SCNN1A: variants seen among roughly 807,000 people sequenced by gnomAD.
SCNN1A encodes epithelial sodium channel subunit alpha.
SCNN1A carries 65 observed loss-of-function variants against 68.6 expected under a neutral mutation model. The observed-to-expected ratio is 0.95, with a 90% CI of 0.78 to 1.16. The LOEUF is 1.16. SCNN1A is among the 50% of genes most tolerant of loss of function. The pLI is 0.00. For synonymous variants in SCNN1A, 357 were observed against 353.3 expected (o/e 1.01, Z -0.12); for missense variants, 880 against 865.9 (o/e 1.02, Z -0.20).
chr12:6,366,725 G>A (rs543826005), intron 2 of SCNN1A, among the ~76,000 whole-genome samples: 6 of 152,052 alleles, frequency 3.9e-5, no homozygotes, highest in South Asian at 2.1e-4. Context: ...GCTTGAACCC[G>A]GGAGGCGGAG....
In SCNN1A at chr12:6,374,803, A is replaced by T; in HGVS notation, c.-20T>A. 1 of 1,613,626 alleles carries T rather than the reference A, an allele frequency of 6.2e-7. No individual in the cohort carries two copies. The highest frequency in any genetic ancestry group is 8.5e-7 in the Non-Finnish European group (1 of 1,179,920). On this transcript the variant is annotated 5_prime_UTR_variant, in exon 2 of 13. Coordinates refer to ENST00000228916, the MANE Select transcript of SCNN1A (RefSeq NM_001038.6). The surrounding 1 kb of genome is among the most constrained non-coding windows in gnomAD (Gnocchi z 6.2). ...CTCCATGAGACCTGGTATGGGCTGC[A>T]GAGGTCTAGGGTCCTGCTCCTCCAG...
upstream of SCNN1A, chr12:6,376,016 C>T: frequency 1.0e-6 from 1 of 1,000,712 alleles, no homozygotes; most frequent in Non-Finnish European, 1.2e-6. Context: ...CAAAGGGAGT[C>T]TGTCTCCAGG....
At chr12:6,365,945 T>C (rs992876547) in intron 2 of SCNN1A, among the ~76,000 whole-genome samples, 24 of 151,946 alleles carry the variant, frequency 1.6e-4, no homozygotes, top group African/African-American at 4.1e-4. Flanking sequence ...AAGCTCCGCC[T>C]CCGGGTTCAC....
chr12:6,356,357 C>T (rs1948497543), intron 4 of SCNN1A: 1 of 218,204 alleles, frequency 4.6e-6, no homozygotes, highest in African/African-American at 2.3e-5. Flanking sequence ...TCATTCATCT[C>T]TGTGTCATCT....
intron 8 of SCNN1A, among the ~76,000 whole-genome samples, chr12:6,353,432 C>G (rs1322842494): frequency 1.3e-5 from 2 of 152,014 alleles, no homozygotes; most frequent in Admixed American, 6.5e-5. Flanking sequence ...CCCTCCAGAG[C>G]CTGCCCAGCT....
In SCNN1A at chr12:6,355,805, C is replaced by G; in HGVS notation, c.951G>C (p.Trp317Cys). The G allele has an allele frequency of 6.2e-7, 1 of 1,613,358 alleles. No homozygotes were observed. Among genetic ancestry groups the G allele is most frequent in the Non-Finnish European group, 8.5e-7 (1 of 1,179,278 alleles). Reference sequence around the variant, plus strand: ...TGTTGATTCCAGGCATGGAAGACATCCAGAGGTTGGAGTTGTTCTTGTCAT... The same window carrying G: ...TGTTGATTCCAGGCATGGAAGACATGCAGAGGTTGGAGTTGTTCTTGTCAT... ...TFNDKNNSNL[W>C]MSSMPGINNG... is the part of the protein sequence containing the mutation. The change falls in exon 5 of 13, where the codon TGG (tryptophan) becomes TGC (cysteine). Residue 317 changes from tryptophan (W) to cysteine (C), a missense_variant. Trp to Cys is a radical substitution (Grantham distance 215, BLOSUM62 -2). Transcript: ENST00000228916.
Position 6,355,821 on chromosome 12 carries a change from T to G in SCNN1A, c.935A>C (p.Asn312Thr), listed in dbSNP as rs758918630. ...YGNCYTFNDK[N>T]NSNLWMSSMP... ...GGAAGACATCCAGAGGTTGGAGTTG[T>G]TCTTGTCATTGAAAGTATAGCAGTT... The change falls in exon 5 of 13, where the codon AAC becomes ACC. Residue 312 changes from asparagine (N) to threonine (T), a missense_variant. Around this residue, in one of 3 missense-constraint regions of SCNN1A, gnomAD observed 758 missense variants for 721.8 expected, o/e 1.05. Coordinates refer to ENST00000228916, the MANE Select transcript of SCNN1A (RefSeq NM_001038.6). 2.2e-5 allele frequency: 35 copies of G among 1,613,874 alleles called. No homozygotes were observed. Among genetic ancestry groups the G allele is most frequent in the Non-Finnish European group, 3.0e-5 (35 of 1,179,718 alleles).
Position 6,347,828 on chromosome 12 carries a change from A to T in SCNN1A, c.*45T>A. ...ATCTTGCCAGGGCCAGCACCCTCCC[A>T]CCAGAGGAGCATCTGCCTTGGTGTG... On this transcript the variant is annotated 3_prime_UTR_variant, in exon 13 of 13. Transcript: ENST00000228916. 6.5e-7 allele frequency: 1 copy of T among 1,541,696 alleles called. No individual in the cohort carries two copies.
intron 5 of SCNN1A, 102 bp from the exon 6 acceptor site, chr12:6,355,537 C>A: frequency 7.1e-7 from 1 of 1,400,488 alleles, no homozygotes; most frequent in Non-Finnish European, 9.9e-7. Flanking sequence ...TCTAAAGCTG[C>A]AAGAGAAGCA....
In SCNN1A at chr12:6,362,043, T is replaced by C; in HGVS notation, c.875+8A>G. On this transcript the variant is annotated splice_region_variant and intron_variant, in intron 4 of 12. Coordinates refer to ENST00000228916, the MANE Select transcript of SCNN1A (RefSeq NM_001038.6). ...CGGAGAGCAAGGAGCCAGGCAGGAC[T>C]GACTCACGCCTGGTTGCAGGAGACC... 1 of 1,614,086 alleles carries C rather than the reference T, an allele frequency of 6.2e-7. No individual in the cohort carries two copies. Among genetic ancestry groups the C allele is most frequent in the East Asian group, 2.2e-5 (1 of 44,874 alleles).
upstream of SCNN1A, chr12:6,377,141 G>A: frequency 1.2e-6 from 1 of 816,580 alleles, no homozygotes; most frequent in South Asian, 1.8e-5. Flanking sequence ...CAGTACTCCA[G>A]GCTCAGGGTC....
In SCNN1A at chr12:6,348,926, G is replaced by A. The variant is rs1186472628; in HGVS notation, c.1553+24C>T. The A allele has an allele frequency of 5.0e-6, 8 of 1,613,398 alleles. No homozygotes were observed. In the Admixed American group the frequency reaches 8.3e-5, roughly 17 times the overall value. ...TCCCTCCCAAAGATTCCCTTCTTGT[G>A]GCTGGGACCAGGGCAGGACTGACCT... On this transcript the variant is annotated intron_variant, in intron 11 of 12. Coordinates refer to ENST00000228916, the MANE Select transcript of SCNN1A (RefSeq NM_001038.6).
chr12:6,364,041 A>C (rs1948633843), intron 2 of SCNN1A: 6 of 208,534 alleles, frequency 2.9e-5, no homozygotes, highest in Non-Finnish European at 5.7e-5. Flanking sequence ...CCCTTTCCCA[A>C]AGAGGGGAAG....
chr12:6,375,540 C>T lies in SCNN1A; in HGVS notation c.-90G>A, dbSNP rs1034990566. 7.8e-6 allele frequency: 12 copies of T among 1,534,760 alleles called. No individual in the cohort carries two copies. The African/African-American group carries it at 8.2e-5, about 11-fold the overall frequency. On this transcript the variant is annotated 5_prime_UTR_variant, in exon 1 of 13. Coordinates refer to ENST00000228916, the MANE Select transcript of SCNN1A (RefSeq NM_001038.6). Reference sequence around the variant, plus strand: ...CAGCGGCCTGGCTGGGGAGCCCGCCCGCTGGCCGGCCAGGGATGGAAGCGA... The same window carrying T: ...CAGCGGCCTGGCTGGGGAGCCCGCCTGCTGGCCGGCCAGGGATGGAAGCGA...
chr12:6,374,988 C>T lies in SCNN1A; in HGVS notation c.-54-151G>A, dbSNP rs756172397. 1 of 1,552,250 alleles carries T rather than the reference C, an allele frequency of 6.4e-7. No individual in the cohort carries two copies. ...CCCACCCTGCGCCCACATTCTCCCA[C>T]TCCTCCCTCCCTCCTCCACCTTTCC... On this transcript the variant is annotated intron_variant, in intron 1 of 12. Coordinates refer to ENST00000228916, the MANE Select transcript of SCNN1A (RefSeq NM_001038.6). The surrounding 1 kb of genome is among the most constrained non-coding windows in gnomAD (Gnocchi z 6.2).
chr12:6,364,619 G>A (rs1255311966), intron 2 of SCNN1A, among the ~76,000 whole-genome samples: 2 of 151,930 alleles, frequency 1.3e-5, no homozygotes, highest in Admixed American at 1.3e-4. Context: ...AAAATTAGCC[G>A]GGCTTGGTGG....
chr12:6,374,300 G>C lies in SCNN1A; in HGVS notation c.416+68C>G. On this transcript the variant is annotated intron_variant, in intron 2 of 12. Transcript: ENST00000228916. The surrounding 1 kb of genome is among the most constrained non-coding windows in gnomAD (Gnocchi z 6.2). ...GTCTGAGGCTCTGCCTGCCCAGTGA[G>C]CACCTCAGCACCCTGGACCACCCTT... 1 of 1,540,820 alleles carries C rather than the reference G, an allele frequency of 6.5e-7. No individual in the cohort carries two copies. Among genetic ancestry groups the C allele is most frequent in the Non-Finnish European group, 8.9e-7 (1 of 1,127,106 alleles).
intron 4 of SCNN1A, among the ~76,000 whole-genome samples, chr12:6,360,061 G>T (rs1030400144): frequency 2.0e-5 from 3 of 152,148 alleles, no homozygotes; most frequent in African/African-American, 7.2e-5. Flanking sequence ...ATGAGCCACC[G>T]TGCCCGGTGA....
chr12:6,354,407 G>A (rs1374559766), intron 8 of SCNN1A, 31 bp downstream of exon 8: 2 of 1,459,586 alleles, frequency 1.4e-6, no homozygotes, highest in Non-Finnish European at 1.9e-6. Context: ...TGGGGTCAGT[G>A]GGGCAGGGTG....
Sources: allele counts gnomAD v4.1 joint callset (sites outside exome capture counted in the v4.1 genomes callset), GRCh38; gene constraint gnomAD v4.1.1; regional missense constraint gnomAD v4.1.1; non-coding constraint Gnocchi (gnomAD v3.1); transcripts MANE v1.5; gene names NCBI Gene and HGNC (gene_info 2026-07-23, HGNC 2026-07-21).